Variants in IQCJ observed in about 807,000 individuals in gnomAD.
The protein encoded by IQCJ is IQ domain-containing protein J.
A neutral mutation model predicts 11.0 loss-of-function variants in IQCJ; 9 were observed. That is an observed-to-expected ratio of 0.82 (90% confidence interval 0.49 to 1.43). The LOEUF is 1.43. IQCJ is among the 40% of genes most tolerant of loss of function. The pLI is 0.00. For synonymous variants in IQCJ, 55 were observed against 51.3 expected (o/e 1.07, Z -0.31); for missense variants, 146 against 133.2 (o/e 1.10, Z -0.47).
intron 1 of IQCJ, among the ~76,000 whole-genome samples, chr3:159,215,984 C>A (rs1560028785): frequency 6.6e-6 from 1 of 151,354 alleles, no homozygotes; most frequent in African/African-American, 2.4e-5. Context: ...TCACTAAGTG[C>A]ATATGGAATA....
At chr3:159,184,702 T>G (rs1723286733) in intron 1 of IQCJ, among the ~76,000 whole-genome samples, 1 of 152,238 alleles carries the variant, frequency 6.6e-6, no homozygotes, top group Non-Finnish European at 1.5e-5. Context: ...TCCATCATTT[T>G]ATTTACTTTT....
At chr3:159,090,129 C>T (rs2108078383) in intron 1 of IQCJ, among the ~76,000 whole-genome samples, 1 of 151,764 alleles carries the variant, frequency 6.6e-6, no homozygotes, top group African/African-American at 2.4e-5. Context: ...TGTTAGTTTT[C>T]CTTCTAACAG....
At position 159,172,262 on chromosome 3, in the gene IQCJ, G is replaced by T. The variant is rs553856325; in HGVS notation, c.10-73581G>T. Among the ~76,000 whole-genome samples the T allele has an allele frequency of 2.1e-4, 32 of 152,242 alleles. No individual in the cohort carries two copies. The South Asian group carries it at 5.0e-3, about 24-fold the overall frequency. On this transcript the variant is annotated intron_variant, in intron 1 of 3. Coordinates refer to ENST00000397832, the MANE Select transcript of IQCJ (RefSeq NM_001042706.3). ...CCATAATGGAATAGTCATTAAAAAT[G>T]ATAGCTGCGAAAGTTAGCAACATGG...
chr3:159,226,847 G>C (rs1028878490), intron 1 of IQCJ, among the ~76,000 whole-genome samples: 13 of 152,180 alleles, frequency 8.5e-5, no homozygotes, highest in Non-Finnish European at 1.5e-5. Context: ...ATGGTCACAG[G>C]AGTTTACCTG....
intron 1 of IQCJ, among the ~76,000 whole-genome samples, chr3:159,201,624 ATTC>A (rs1724344605): frequency 1.4e-5 from 1 of 70,356 alleles, no homozygotes; most frequent in Non-Finnish European, 2.6e-5. Context: ...GTTGATAATG[ATTC>A]TTTTTTTTTT....
chr3:159,176,169 A>G (rs1352665535), intron 1 of IQCJ, among the ~76,000 whole-genome samples: 1 of 151,022 alleles, frequency 6.6e-6, no homozygotes, highest in Non-Finnish European at 1.5e-5. Context: ...AGTTCTTTAT[A>G]TATTATGCAT....
At chr3:159,261,919 G>T (rs1462414088) in intron 3 of IQCJ, among the ~76,000 whole-genome samples, 1 of 152,134 alleles carries the variant, frequency 6.6e-6, no homozygotes, top group East Asian at 1.9e-4. Context: ...TATAATCTTT[G>T]TCCATTTCCT....
chr3:159,265,427 A>ATCATCCTATTCCCTCC, downstream of IQCJ: 2 of 1,585,934 alleles, frequency 1.3e-6, no homozygotes, highest in Non-Finnish European at 1.7e-6. Flanking sequence ...TTATGGAGGG[A>ATCATCCTATTCCCTCC]ATAGGATGAT....
intron 1 of IQCJ, among the ~76,000 whole-genome samples, chr3:159,107,211 G>A (rs901506856): frequency 6.6e-6 from 1 of 152,078 alleles, no homozygotes; most frequent in African/African-American, 2.4e-5. Flanking sequence ...AGGAGGTAGG[G>A]CCTTCAGAAA....
chr3:159,202,665 T>C (rs1724420561), intron 1 of IQCJ, among the ~76,000 whole-genome samples: 1 of 152,194 alleles, frequency 6.6e-6, no homozygotes, highest in South Asian at 2.1e-4. Flanking sequence ...ATTTTCTTTT[T>C]TATGTATATA....
intron 1 of IQCJ, among the ~76,000 whole-genome samples, chr3:159,180,387 A>T (rs1432993375): frequency 2.9e-5 from 4 of 138,730 alleles, no homozygotes; most frequent in Non-Finnish European, 4.4e-5. Flanking sequence ...TATGATTTTT[A>T]AAATTATCTG....
chr3:159,069,482 A>C, intron 1 of IQCJ, 41 bp downstream of exon 1: 1 of 1,590,952 alleles, frequency 6.3e-7, no homozygotes, highest in Middle Eastern at 1.7e-4. Context: ...TTTGATGTGC[A>C]TTATATGCAG....
intron 1 of IQCJ, among the ~76,000 whole-genome samples, chr3:159,095,339 C>A (rs1465425069): frequency 1.3e-5 from 2 of 151,546 alleles, no homozygotes; most frequent in East Asian, 3.9e-4. Context: ...GACGACAGAT[C>A]AAGAGGAAAA....
chr3:159,226,195 T>A (rs1160112607), intron 1 of IQCJ, among the ~76,000 whole-genome samples: 1 of 152,146 alleles, frequency 6.6e-6, no homozygotes, highest in Non-Finnish European at 1.5e-5. Context: ...TTGAACTCAA[T>A]ATCCAGTCCC....
At position 159,071,493 on chromosome 3, in the gene IQCJ, G is replaced by A. The variant is rs370221823; in HGVS notation, c.9+2052G>A. On this transcript the variant is annotated intron_variant, in intron 1 of 3. Coordinates refer to ENST00000397832, the MANE Select transcript of IQCJ (RefSeq NM_001042706.3). ...AAGATTTACTAGCACCTTTTTTCAC[G>A]TGCTATATATGCATAAATACATATA... is the stretch of plus-strand genomic sequence containing the variant. Among the ~76,000 whole-genome samples, 369 of 151,950 alleles carry A rather than the reference G, an allele frequency of 2.4e-3. 1 individual carries two copies. Among genetic ancestry groups the A allele is most frequent in the African/African-American group, 8.3e-3 (344 of 41,468 alleles).
At chr3:159,086,392 C>T (rs977823336) in intron 1 of IQCJ, among the ~76,000 whole-genome samples, 14 of 152,168 alleles carry the variant, frequency 9.2e-5, no homozygotes, top group South Asian at 2.1e-4. Context: ...ATTGACTTGG[C>T]GATGCGTGCT....
chr3:159,123,035 C>A (rs555384507), intron 1 of IQCJ, among the ~76,000 whole-genome samples: 1 of 152,062 alleles, frequency 6.6e-6, no homozygotes. Context: ...GGCAGGGGAA[C>A]TAGAATTTTC....
chr3:159,149,516 C>T (rs984683152), intron 1 of IQCJ, among the ~76,000 whole-genome samples: 4 of 151,980 alleles, frequency 2.6e-5, no homozygotes, highest in African/African-American at 4.8e-5. Context: ...ATTAGCAAAA[C>T]GTTAAACATT....
intron 1 of IQCJ, among the ~76,000 whole-genome samples, chr3:159,111,308 CTT>C (rs1415918081): frequency 1.3e-5 from 2 of 152,136 alleles, no homozygotes; most frequent in East Asian, 1.9e-4. Context: ...AGTAAAAACT[CTT>C]TTGTCTTGAG....
Sources: gnomAD v4.1 joint callset for allele counts (sites outside exome capture counted in the v4.1 genomes callset) on GRCh38, gnomAD v4.1.1 for gene constraint, MANE v1.5 for transcripts, NCBI Gene and HGNC (gene_info 2026-07-23, HGNC 2026-07-21) for gene names.